The following NIPAL3 variants were observed in gnomAD, a reference collection of about 807,000 sequenced individuals.
NIPAL3 encodes the protein NIPA-like protein 3.
A neutral mutation model predicts 47.2 loss-of-function variants in NIPAL3; 41 were observed. The observed-to-expected ratio is 0.87, with a 90% confidence interval of 0.68 to 1.13. NIPAL3 has a LOEUF of 1.13. NIPAL3 is among the 50% of genes most tolerant of loss of function. The pLI, the probability that NIPAL3 is intolerant of heterozygous loss-of-function variation, is 0.00. For missense variants in NIPAL3, 449 were observed against 530.1 expected (o/e 0.85, Z 1.50); for synonymous variants, 194 against 209.6 (o/e 0.93, Z 0.64).
chr1:24,444,468 G>A (rs973791836), intron 4 of NIPAL3, among the ~76,000 whole-genome samples: 10 of 152,172 alleles, frequency 6.6e-5, no homozygotes, highest in East Asian at 3.8e-4. Flanking sequence ...TTCAAGCTAC[G>A]GATGGTTTTC....
chr1:24,469,153 T>C lies in NIPAL3; in HGVS notation c.1189T>C (p.Tyr397His). Residue 397 changes from tyrosine to histidine, a missense_variant, in exon 12 of 12, where the codon TAC (tyrosine) becomes CAC (histidine). Transcript: ENST00000374399. ...HGSRSASGVP[Y>H]RVLEHTKKE ...CTCCAGAAGTGCCTCTGGGGTCCCCTACCGAGTCCTAGAGCACACCAAGAA... is the reference window on the plus strand; with the variant it reads ...CTCCAGAAGTGCCTCTGGGGTCCCCCACCGAGTCCTAGAGCACACCAAGAA... 2 of 1,614,002 alleles carry C rather than the reference T, an allele frequency of 1.2e-6. No individual in the cohort carries two copies. Among genetic ancestry groups the C allele is most frequent in the South Asian group, 1.1e-5 (1 of 91,086 alleles).
At chr1:24,434,947 AAAAC>A (rs1010997349) in intron 2 of NIPAL3, among the ~76,000 whole-genome samples, 1 of 152,238 alleles carries the variant, frequency 6.6e-6, no homozygotes, top group African/African-American at 2.4e-5. Flanking sequence ...CAAAATAGCC[AAAAC>A]AATCTTGGAG....
At chr1:24,444,654 C>T (rs1275023051) in intron 4 of NIPAL3, among the ~76,000 whole-genome samples, 1 of 152,142 alleles carries the variant, frequency 6.6e-6, no homozygotes, top group Non-Finnish European at 1.5e-5. Context: ...TGACTGCCAG[C>T]CCTATCCTTT....
chr1:24,441,609 C>A (rs1363762011), intron 3 of NIPAL3, among the ~76,000 whole-genome samples: 3 of 152,080 alleles, frequency 2.0e-5, no homozygotes, highest in African/African-American at 7.2e-5. Context: ...AAGGAGTGTG[C>A]CGAACACACA....
chr1:24,435,405 AATAG>A (rs1645053949), intron 2 of NIPAL3, among the ~76,000 whole-genome samples: 2 of 152,172 alleles, frequency 1.3e-5, no homozygotes, highest in Admixed American at 1.3e-4. Flanking sequence ...TTTTGTGTTA[AATAG>A]ATATATTTTG....
In NIPAL3 at chr1:24,460,468, T is replaced by C; in HGVS notation, c.863-13T>C. On this transcript the variant is annotated splice_polypyrimidine_tract_variant and intron_variant, in intron 9 of 11. Coordinates refer to ENST00000374399, the MANE Select transcript of NIPAL3 (RefSeq NM_020448.5). ...AACAGCTCAGCGGTATTTTCTATGA[T>C]TTGCTGCTGCAGGTGCAATATTTTA... The C allele has an allele frequency of 6.3e-7, 1 of 1,586,186 alleles. No individual in the cohort carries two copies. Among genetic ancestry groups the C allele is most frequent in the Non-Finnish European group, 8.6e-7 (1 of 1,168,686 alleles).
intron 4 of NIPAL3, among the ~76,000 whole-genome samples, chr1:24,442,495 C>A (rs1430874095): frequency 6.6e-6 from 1 of 152,318 alleles, no homozygotes; most frequent in East Asian, 1.9e-4. Flanking sequence ...AAATTACTTT[C>A]CCCAAATGAC....
chr1:24,419,743 C>T (rs1644235374), intron 2 of NIPAL3, 103 bp downstream of exon 2: 9 of 995,488 alleles, frequency 9.0e-6, no homozygotes, highest in Non-Finnish European at 1.2e-5. Flanking sequence ...GCATGCCTGT[C>T]ACTGGTAGAA....
In NIPAL3 at chr1:24,464,139, G is replaced by A; in HGVS notation, c.1021+19G>A. On this transcript the variant is annotated intron_variant, in intron 11 of 11. Coordinates refer to ENST00000374399, the MANE Select transcript of NIPAL3 (RefSeq NM_020448.5). ...ATGCCAGGTAAGGTTAAAGCCCCGT[G>A]GGTCTAGCTGAACATCCATATAGAA... The A allele has an allele frequency of 1.9e-6, 3 of 1,595,306 alleles. No individual in the cohort carries two copies. The highest frequency in any genetic ancestry group is 1.1e-5 in the South Asian group (1 of 89,936).
intron 6 of NIPAL3, among the ~76,000 whole-genome samples, chr1:24,450,477 G>C (rs921203509): frequency 1.3e-5 from 2 of 152,110 alleles, no homozygotes; most frequent in Admixed American, 1.3e-4. Flanking sequence ...CTCTGCCCCA[G>C]TTCTATCCCA....
chr1:24,418,276 C>T (rs1644150202), intron 1 of NIPAL3, among the ~76,000 whole-genome samples: 1 of 152,198 alleles, frequency 6.6e-6, no homozygotes, highest in African/African-American at 2.4e-5. Context: ...AAAACCCTAA[C>T]ACTTTTAAGC....
intron 4 of NIPAL3, among the ~76,000 whole-genome samples, chr1:24,442,432 ATGT>A (rs879038291): frequency 6.6e-6 from 1 of 152,194 alleles, no homozygotes; most frequent in Admixed American, 6.5e-5. Context: ...GTTGAGGGAG[ATGT>A]TGTTGTTATC....
intron 2 of NIPAL3, among the ~76,000 whole-genome samples, chr1:24,424,039 C>T (rs1198568735): frequency 6.6e-6 from 1 of 152,202 alleles, no homozygotes; most frequent in Non-Finnish European, 1.5e-5. Flanking sequence ...AGCACTCTCC[C>T]TGATGAGATT....
At chr1:24,429,107 C>T (rs1008000498) in intron 2 of NIPAL3, among the ~76,000 whole-genome samples, 1 of 152,184 alleles carries the variant, frequency 6.6e-6, no homozygotes, top group Non-Finnish European at 1.5e-5. Context: ...CATCTTTATG[C>T]ATCAAAAATG....
intron 2 of NIPAL3, among the ~76,000 whole-genome samples, chr1:24,428,258 AAGAGAGAGAGAGAGAGAG>A (rs56082168): frequency 5.0e-5 from 6 of 119,554 alleles, no homozygotes; most frequent in South Asian, 3.3e-4. Context: ...CTCAAAAAGA[AAGAGAGAGAGAGAGAGAG>A]AGAGAGAGAG....
chr1:24,435,060 A>G (rs1197568791), intron 2 of NIPAL3, among the ~76,000 whole-genome samples: 1 of 152,224 alleles, frequency 6.6e-6, no homozygotes, highest in East Asian at 1.9e-4. Flanking sequence ...AAGACAGACA[A>G]ATAAATCAAT....
intron 2 of NIPAL3, among the ~76,000 whole-genome samples, chr1:24,425,736 C>T (rs913682967): frequency 3.3e-5 from 5 of 152,106 alleles, no homozygotes; most frequent in African/African-American, 1.2e-4. Flanking sequence ...TCATGTAATG[C>T]CTCTGTGGGT....
In NIPAL3 at chr1:24,451,778, T is replaced by C. The variant is rs1170445163; in HGVS notation, c.541-1630T>C. ...GACCCCTCAAATGCAGGCACAGTGG[T>C]TGGGAATGTTGATGATTGACAGCAC... On this transcript the variant is annotated intron_variant, in intron 6 of 11. Coordinates refer to ENST00000374399, the MANE Select transcript of NIPAL3 (RefSeq NM_020448.5). This position sits in a 1 kb window ranked among gnomAD's most constrained non-coding sequence, Gnocchi z 4.5. Among the ~76,000 whole-genome samples the C allele has an allele frequency of 6.6e-6, 1 of 151,750 alleles. No individual in the cohort carries two copies. Among genetic ancestry groups the C allele is most frequent in the Non-Finnish European group, 1.5e-5 (1 of 67,934 alleles).
In NIPAL3 at chr1:24,449,428, G is replaced by T. The variant is rs1385515862; in HGVS notation, c.395-53G>T. On this transcript the variant is annotated intron_variant, in intron 5 of 11. Transcript: ENST00000374399. The surrounding 1 kb of genome is among the most constrained non-coding windows in gnomAD (Gnocchi z 4.5). ...TTTTTCATGGCTGAGAACGTGTACT[G>T]TATCTTGGGCCTGTTGTTGCAATGA... 3 of 1,600,126 alleles carry T rather than the reference G, an allele frequency of 1.9e-6. No individual in the cohort carries two copies. The highest frequency in any genetic ancestry group is 1.7e-6 in the Non-Finnish European group (2 of 1,170,566).
Sources: gnomAD v4.1 joint callset for allele counts (sites outside exome capture counted in the v4.1 genomes callset) on GRCh38, gnomAD v4.1.1 for gene constraint, Gnocchi (gnomAD v3.1) non-coding constraint, MANE v1.5 for transcripts, NCBI Gene and HGNC (gene_info 2026-07-23, HGNC 2026-07-21) for gene names.